The following MTRR variants were observed in gnomAD, a reference collection of about 807,000 sequenced individuals.
MTRR encodes the protein 5-methyltetrahydrofolate-homocysteine methyltransferase reductase, also known as methionine synthase reductase.
MTRR carries 63 observed loss-of-function variants against 79.2 expected under a neutral mutation model. The observed-to-expected ratio is 0.80, with a 90% CI of 0.65 to 0.98. MTRR has a LOEUF of 0.98. Ranked by LOEUF, MTRR falls within the 50% of genes least tolerant of loss-of-function variation. The pLI is 0.00. For missense variants in MTRR, 895 were observed against 839.6 expected, an observed-to-expected ratio of 1.07 and a Z score of -0.82; for synonymous variants, 355 against 313.3, an observed-to-expected ratio of 1.13 and a Z score of -1.41.
intron 9 of MTRR, among the ~76,000 whole-genome samples, chr5:7,890,594 T>C (rs2126780787): frequency 6.6e-6 from 1 of 152,278 alleles, no homozygotes; most frequent in Admixed American, 6.5e-5. Flanking sequence ...ATTTTCTAAT[T>C]AAGAACAATT....
At position 7,878,022 on chromosome 5, in the gene MTRR, A is replaced by C. The variant is rs937816616; in HGVS notation, c.480A>C (p.Gln160His). The change falls in exon 5 of 15, where the codon CAA becomes CAC. Residue 160 changes from glutamine to histidine, a missense_variant. Physicochemically the swap from Gln to His is conservative, Grantham distance 24. Coordinates refer to ENST00000440940, the MANE Select transcript of MTRR (RefSeq NM_002454.3). ...LRKHFRSSRG[Q>H]EEISGALPVA... ...AGCATTTTAGGTCAAGCAGAGGACAAGAGGAGATAAGTGGCGCACTCCCGG... is the reference window on the plus strand; with the variant it reads ...AGCATTTTAGGTCAAGCAGAGGACACGAGGAGATAAGTGGCGCACTCCCGG... The C allele has an allele frequency of 1.9e-6, 3 of 1,613,752 alleles. No individual in the cohort carries two copies. The highest frequency in any genetic ancestry group is 2.2e-5 in the South Asian group (2 of 91,050).
intron 9 of MTRR, chr5:7,890,452 C>T (rs162045): frequency 0.84 from 815,532 of 974,002 alleles, 342,045 homozygotes; most frequent in African/African-American, 0.9. Context: ...TCTCTTATCG[C>T]ATACTAATTT....
At chr5:7,867,423 G>A, upstream of MTRR, 1 of 1,614,142 alleles carries the variant, frequency 6.2e-7, no homozygotes, top group Non-Finnish European at 8.5e-7. Context: ...CTTTCCCCAA[G>A]AATACAAAGA....
chr5:7,867,104 G>C, upstream of MTRR: 1 of 1,614,166 alleles, frequency 6.2e-7, no homozygotes, highest in Non-Finnish European at 8.5e-7. Flanking sequence ...AGTGAAATGT[G>C]GGACATGCCT....
upstream of MTRR, chr5:7,851,125 C>T (rs1378336848): frequency 3.3e-6 from 4 of 1,207,002 alleles, no homozygotes; most frequent in East Asian, 9.5e-5. Flanking sequence ...CAGCGTCTAG[C>T]CCGCGTCTGT....
upstream of MTRR, chr5:7,850,958 C>T (rs755990030): frequency 2.3e-6 from 3 of 1,331,188 alleles, no homozygotes; most frequent in Admixed American, 6.4e-5. Context: ...TGCGCCGAGA[C>T]GGGCGGCGGC....
At chr5:7,866,869 A>G (rs762935003), upstream of MTRR, 3 of 1,614,110 alleles carry the variant, frequency 1.9e-6, no homozygotes, top group East Asian at 6.7e-5. Flanking sequence ...AAATCTGACG[A>G]GGTGAAAATT....
chr5:7,858,697 T>C (rs539313620), intron 1 of MTRR, among the ~76,000 whole-genome samples: 8 of 152,164 alleles, frequency 5.3e-5, no homozygotes, highest in Non-Finnish European at 1.0e-4. Flanking sequence ...ACAGGTTCAA[T>C]TGTATCCCTC....
intron 11 of MTRR, among the ~76,000 whole-genome samples, chr5:7,894,234 G>GT (rs1181557560): frequency 6.6e-6 from 1 of 152,202 alleles, no homozygotes; most frequent in Non-Finnish European, 1.5e-5. Flanking sequence ...CTTGTGTTGT[G>GT]TTTTATTACA....
At position 7,873,536 on chromosome 5, in the gene MTRR, T is replaced by C. The variant is rs754287494; in HGVS notation, c.283+10T>C. ...CGGTATGGGTTACTGGGTAATGGAC[T>C]CTCTCTTCTGATCTTACTATAGTAT... On this transcript the variant is annotated intron_variant, in intron 3 of 14. Transcript: ENST00000440940. 6.2e-7 allele frequency: 1 copy of C among 1,613,814 alleles called. No homozygotes were observed. The highest frequency in any genetic ancestry group is 1.3e-5 in the African/African-American group (1 of 74,938).
intron 1 of MTRR, among the ~76,000 whole-genome samples, chr5:7,860,059 T>C (rs1245061553): frequency 6.6e-6 from 1 of 152,196 alleles, no homozygotes; most frequent in Non-Finnish European, 1.5e-5. Flanking sequence ...GTAGTAATCA[T>C]GTGCCTGCAG....
At chr5:7,870,286 C>A in intron 1 of MTRR, 1 of 195,330 alleles carries the variant, frequency 5.1e-6, no homozygotes, top group Non-Finnish European at 1.0e-5. Context: ...ACCAAGAATC[C>A]TATCATTTTA....
chr5:7,885,070 C>G (rs965581972), intron 6 of MTRR: 3 of 153,326 alleles, frequency 2.0e-5, no homozygotes, highest in African/African-American at 7.2e-5. Context: ...GGCTCCTCCC[C>G]AGAGCCCTGG....
chr5:7,867,042 C>T (rs781185797), upstream of MTRR: 1 of 1,614,186 alleles, frequency 6.2e-7, no homozygotes, highest in South Asian at 1.1e-5. Flanking sequence ...AAAAATGTGT[C>T]ATGGTGCCCA....
At chr5:7,886,848 T>G (rs1736553190) in intron 8 of MTRR, 145 bp downstream of exon 8, 1 of 693,328 alleles carries the variant, frequency 1.4e-6, no homozygotes, top group Admixed American at 2.3e-5. Context: ...TTCCCAAGGG[T>G]GTGTGCTATC....
At chr5:7,891,770 T>C (rs1737629257) in intron 10 of MTRR, among the ~76,000 whole-genome samples, 1 of 152,076 alleles carries the variant, frequency 6.6e-6, no homozygotes, top group Non-Finnish European at 1.5e-5. Flanking sequence ...AGTCCGGGCG[T>C]GGTGACTCAC....
At chr5:7,885,659 C>T (rs200593291) in intron 6 of MTRR, 42 bp from the exon 7 acceptor site, 6 of 1,539,246 alleles carry the variant, frequency 3.9e-6, no homozygotes, top group East Asian at 2.3e-5. Flanking sequence ...CTATGTAACA[C>T]GTATAATGTA....
At chr5:7,892,227 G>T (rs979399911) in intron 10 of MTRR, among the ~76,000 whole-genome samples, 2 of 152,040 alleles carry the variant, frequency 1.3e-5, no homozygotes, top group African/African-American at 4.8e-5. Flanking sequence ...AAGTTCTTTC[G>T]CATTATTTAC....
intron 1 of MTRR, among the ~76,000 whole-genome samples, chr5:7,856,600 C>T (rs965255340): frequency 3.9e-5 from 6 of 152,126 alleles, no homozygotes; most frequent in Non-Finnish European, 8.8e-5. Context: ...TGTCTCATTT[C>T]ACTATCTACA....
Sources: gnomAD v4.1 joint callset for allele counts (sites outside exome capture counted in the v4.1 genomes callset) on GRCh38, gnomAD v4.1.1 for gene constraint, MANE v1.5 for transcripts, NCBI Gene and HGNC (gene_info 2026-07-23, HGNC 2026-07-21) for gene names.